The following NCOR1 variants were observed in gnomAD, a reference collection of about 807,000 sequenced individuals.
The protein encoded by NCOR1 is protein phosphatase 1, regulatory subunit 109.
A neutral mutation model predicts 288.1 loss-of-function variants in NCOR1; 63 were observed. That is an observed-to-expected ratio of 0.22 (90% CI 0.18 to 0.27). The LOEUF (loss-of-function observed/expected upper bound fraction) is 0.27. Among genes scored for constraint, NCOR1 ranks in the 10% least tolerant of loss-of-function variants. The pLI is 1.00. For synonymous variants in NCOR1, 1,007 were observed against 1,065.9 expected (o/e 0.94, Z 1.08); for missense variants, 2,397 against 3,019.2 (o/e 0.79, Z 4.83).
At chr17:16,151,729 A>T (rs1332887673) in intron 8 of NCOR1, 1 of 1,103,792 alleles carries the variant, frequency 9.1e-7, no homozygotes, top group Non-Finnish European at 1.3e-6. Context: ...AGTTTTATGC[A>T]ATAATTTATT....
intron 23 of NCOR1, among the ~76,000 whole-genome samples, chr17:16,082,392 G>A (rs2063540514): frequency 6.6e-6 from 1 of 152,138 alleles, no homozygotes; most frequent in Non-Finnish European, 1.5e-5. Context: ...TATTATAAAT[G>A]TATTCCAAGA....
chr17:16,098,142 G>A (rs1012337706), intron 21 of NCOR1, among the ~76,000 whole-genome samples: 4 of 152,164 alleles, frequency 2.6e-5, no homozygotes, highest in Admixed American at 6.5e-5. Context: ...TTTCGCATTC[G>A]AAAGATGAAA....
At chr17:16,033,055 G>A (rs778045690) in intron 45 of NCOR1, among the ~76,000 whole-genome samples, 3 of 152,018 alleles carry the variant, frequency 2.0e-5, no homozygotes, top group African/African-American at 7.2e-5. Context: ...TTAAGAAAAC[G>A]CAAAAACAGG....
chr17:16,055,717 G>A (rs529939358), intron 40 of NCOR1, among the ~76,000 whole-genome samples: 1 of 152,278 alleles, frequency 6.6e-6, no homozygotes, highest in East Asian at 1.9e-4. Context: ...AGTTGATGCT[G>A]TTTTCTAACA....
chr17:16,212,097 T>G (rs894202385), intron 1 of NCOR1, among the ~76,000 whole-genome samples: 1 of 151,816 alleles, frequency 6.6e-6, no homozygotes, highest in South Asian at 2.1e-4. Flanking sequence ...CCAACACGTC[T>G]CTACTAAAAA....
At chr17:16,111,995 G>A (rs1015107083) in intron 18 of NCOR1, among the ~76,000 whole-genome samples, 12 of 151,760 alleles carry the variant, frequency 7.9e-5, no homozygotes, top group Non-Finnish European at 1.0e-4. Flanking sequence ...TCAGCCTCCC[G>A]AGTAGCTGGG....
chr17:16,149,984 G>C (rs1411207096), intron 8 of NCOR1, among the ~76,000 whole-genome samples: 1 of 152,068 alleles, frequency 6.6e-6, no homozygotes, highest in Non-Finnish European at 1.5e-5. Context: ...TTAAACAGAA[G>C]ATTTTCTTCA....
chr17:16,183,942 C>T (rs2086071269), intron 3 of NCOR1, among the ~76,000 whole-genome samples: 2 of 151,930 alleles, frequency 1.3e-5, no homozygotes, highest in Admixed American at 6.6e-5. Flanking sequence ...AACATATGGC[C>T]GCCTAACTTT....
intron 42 of NCOR1, among the ~76,000 whole-genome samples, chr17:16,042,309 T>C (rs200381651): frequency 3.3e-5 from 4 of 122,164 alleles, no homozygotes; most frequent in East Asian, 2.0e-4. Flanking sequence ...GTCATTCATT[T>C]GATAGATATT....
rs1315345561 is a variant in NCOR1, at chr17:16,215,370, G to A, written c.-79C>T. 2.5e-6 allele frequency: 1 copy of A among 394,492 alleles called. No individual in the cohort carries two copies. The highest frequency in any genetic ancestry group is 4.5e-6 in the Non-Finnish European group (1 of 223,546). 24.4% of individuals were successfully genotyped at this position (394,492 alleles called of 1,614,324 possible). ...CGCCAGGGCCTACTCACCGGGAGCT[G>A]GCTAAGCGTGGGAGCCGACGTGCGC... On this transcript the variant is annotated 5_prime_UTR_variant, in exon 1 of 46. Transcript: ENST00000268712.
At chr17:16,196,038 G>A (rs757503637) in intron 1 of NCOR1, among the ~76,000 whole-genome samples, 1 of 150,886 alleles carries the variant, frequency 6.6e-6, no homozygotes, top group African/African-American at 2.4e-5. Flanking sequence ...GTGCATGTGT[G>A]TGCATACTCT....
At chr17:16,150,164 G>A (rs983704242) in intron 8 of NCOR1, among the ~76,000 whole-genome samples, 8 of 152,030 alleles carry the variant, frequency 5.3e-5, no homozygotes, top group African/African-American at 1.9e-4. Flanking sequence ...CTTCCAGAAA[G>A]GATTTCAAGC....
chr17:16,095,064 C>A (rs1215883538), intron 21 of NCOR1, among the ~76,000 whole-genome samples: 1 of 150,572 alleles, frequency 6.6e-6, no homozygotes, highest in African/African-American at 2.4e-5. Context: ...CCTGGCTGCC[C>A]AGTCTGGAAA....
chr17:16,058,884 TA>T (rs1390791729), intron 37 of NCOR1, among the ~76,000 whole-genome samples: 1 of 150,680 alleles, frequency 6.6e-6, no homozygotes, highest in Non-Finnish European at 1.5e-5. Flanking sequence ...CTGTCTCTAC[TA>T]AAAAAAATAC....
At position 16,031,510 on chromosome 17, in the gene NCOR1, T is replaced by TAACA; in HGVS notation, c.*782_*785dup. ...GGCATGGTTAAATTACCAGTGTGCG[T>TAACA]AACAGTGAGGTATGCCTCAAATAAG... On this transcript the variant is annotated 3_prime_UTR_variant, in exon 46 of 46. Transcript: ENST00000268712. The TAACA allele has an allele frequency of 4.8e-6, 1 of 206,364 alleles. No homozygotes were observed. Among genetic ancestry groups the TAACA allele is most frequent in the African/African-American group, 2.3e-5 (1 of 43,910 alleles). The allele number at this position is 206,364 out of a possible 1,614,324, so 12.8% of individuals were successfully genotyped here. A position where few individuals can be genotyped will look rare whatever the true frequency, so the allele number is the denominator to read the frequency against.
rs2152556182 is a variant in NCOR1, at chr17:16,058,023, G to A, written c.6052C>T (p.Arg2018Ter). ...GGAGATGGTGATTCCTGCTGTGGTCGATAGTGATGTAATGGTCCTTCATAT... is the reference window on the plus strand; with the variant it reads ...GGAGATGGTGATTCCTGCTGTGGTCAATAGTGATGTAATGGTCCTTCATAT... ...RQYEGPLHHY[R>*]PQQESPSPQQ... The change falls in exon 39 of 46, where the codon CGA becomes TGA. Residue 2018 changes from arginine (R) to a stop codon, truncating the protein, a stop_gained. Coordinates refer to ENST00000268712, the MANE Select transcript of NCOR1 (RefSeq NM_006311.4). LOFTEE classifies it high-confidence loss of function. 6.2e-7 allele frequency: 1 copy of A among 1,614,118 alleles called. No homozygotes were observed. The highest frequency in any genetic ancestry group is 8.5e-7 in the Non-Finnish European group (1 of 1,180,016).
chr17:16,056,308 C>CCTTTT (rs2059912379), intron 40 of NCOR1, among the ~76,000 whole-genome samples: 1 of 96,006 alleles, frequency 1.0e-5, no homozygotes, highest in African/African-American at 4.0e-5. Flanking sequence ...TTCTTTTTAT[C>CCTTTT]TTTTTTTTTT....
intron 13 of NCOR1, 34 bp from the exon 14 acceptor site, chr17:16,137,446 C>T (rs2076590461): frequency 1.7e-6 from 2 of 1,197,228 alleles, no homozygotes. Context: ...TTTGAGGATC[C>T]AATGAAATAA....
Position 16,032,122 on chromosome 17 carries a change from C to T in NCOR1, c.*174G>A. The T allele has an allele frequency of 1.6e-6, 1 of 637,416 alleles. No individual in the cohort carries two copies. The highest frequency in any genetic ancestry group is 3.3e-5 in the East Asian group (1 of 30,518). The allele number at this position is 637,416 out of a possible 1,614,324, so 39.5% of individuals were successfully genotyped here. On this transcript the variant is annotated 3_prime_UTR_variant, in exon 46 of 46. Coordinates refer to ENST00000268712, the MANE Select transcript of NCOR1 (RefSeq NM_006311.4). ...GGCAGTTTTTTGTTTGTTTTTTTCC[C>T]ATTTGACTCTCCAAATGAACTTCCA...
Sources: gnomAD v4.1 joint callset for allele counts (sites outside exome capture counted in the v4.1 genomes callset) on GRCh38, gnomAD v4.1.1 for gene constraint, MANE v1.5 for transcripts, NCBI Gene and HGNC (gene_info 2026-07-23, HGNC 2026-07-21) for gene names.